Variants in ARID2 observed in about 807,000 individuals in gnomAD.
ARID2 encodes AT-rich interaction domain 2.
In ARID2, 32 loss-of-function variants were observed where a neutral mutation model predicts 184.6. The observed-to-expected ratio is 0.17, with a 90% confidence interval of 0.13 to 0.23. The LOEUF (loss-of-function observed/expected upper bound fraction) is 0.23. Among genes scored for constraint, ARID2 ranks in the 10% least tolerant of loss-of-function variants. The pLI is 1.00. For synonymous variants in ARID2, 836 were observed against 772.6 expected (o/e 1.08, Z -1.36); for missense variants, 1,696 against 2,197.6 (o/e 0.77, Z 4.56).
At position 45,851,376 on chromosome 12, in the gene ARID2, C is replaced by G. The variant is rs1306719789; in HGVS notation, c.3253C>G (p.Pro1085Ala). ...GKLILPAPQI[P>A]PPNNARAPSP... ...GCTTATTCTCCCAGCTCCACAGATT[C>G]CTCCCCCTAATAATGCAAGAGCTCC... The change falls in exon 15 of 21, where the codon CCT becomes GCT. Residue 1085 changes from proline to alanine, a missense_variant. Physicochemically the swap from Pro to Ala is conservative, Grantham distance 27. Transcript: ENST00000334344. 6.2e-7 allele frequency: 1 copy of G among 1,614,126 alleles called. No homozygotes were observed. Among genetic ancestry groups the G allele is most frequent in the South Asian group, 1.1e-5 (1 of 91,078 alleles).
At chr12:45,904,730 A>G (rs1354175315) in intron 20 of ARID2, among the ~76,000 whole-genome samples, 1 of 151,012 alleles carries the variant, frequency 6.6e-6, no homozygotes, top group African/African-American at 2.4e-5. Context: ...TATGCAGAAA[A>G]GGCAAACAGT....
rs779708870 is a variant in ARID2, at chr12:45,849,777, G to A, written c.1912+1G>A. ...GTATCTCCTGCTCCTTCACCTGCAGGTGTTAATTTTTATTGTATTTTTAAA... is the reference window on the plus strand; with the variant it reads ...GTATCTCCTGCTCCTTCACCTGCAGATGTTAATTTTTATTGTATTTTTAAA... On this transcript the variant is annotated splice_donor_variant, in intron 14 of 20. Coordinates refer to ENST00000334344, the MANE Select transcript of ARID2 (RefSeq NM_152641.4). LOFTEE classifies it high-confidence loss of function. 1 of 1,605,896 alleles carries A rather than the reference G, an allele frequency of 6.2e-7. No individual in the cohort carries two copies. Among genetic ancestry groups the A allele is most frequent in the Non-Finnish European group, 8.5e-7 (1 of 1,176,548 alleles).
At chr12:45,880,815 A>G (rs951461597) in intron 16 of ARID2, 2 of 153,724 alleles carry the variant, frequency 1.3e-5, no homozygotes, top group African/African-American at 4.8e-5. Context: ...GTCCAAGCCT[A>G]TCGAGATAGT....
intron 16 of ARID2, among the ~76,000 whole-genome samples, chr12:45,866,739 G>A (rs1943837430): frequency 6.6e-6 from 1 of 152,098 alleles, no homozygotes; most frequent in Non-Finnish European, 1.5e-5. Flanking sequence ...AAATTGAATG[G>A]CAAATACAGA....
intron 4 of ARID2, among the ~76,000 whole-genome samples, chr12:45,813,042 A>G (rs1942739723): frequency 6.6e-6 from 1 of 152,224 alleles, no homozygotes; most frequent in African/African-American, 2.4e-5. Flanking sequence ...AATGAAAGTT[A>G]CTGATAGAGC....
Position 45,892,719 on chromosome 12 carries a change from A to G in ARID2, c.5147+623A>G, listed in dbSNP as rs147527206. 7.1e-3 allele frequency among the ~76,000 whole-genome samples: 1,082 copies of G among 152,256 alleles called. 10 individuals are homozygous for G. Among genetic ancestry groups the G allele is most frequent in the African/African-American group, 0.025 (1,021 of 41,546 alleles). On this transcript the variant is annotated intron_variant, in intron 18 of 20. Coordinates refer to ENST00000334344, the MANE Select transcript of ARID2 (RefSeq NM_152641.4). The stretch of plus-strand genomic sequence containing the variant: ...TATACGAGTCAGCATCTCCATTGCT[A>G]TCTCACCAGAGCACACAGATAATGA...
At chr12:45,801,750 A>C (rs1421479381) in intron 3 of ARID2, among the ~76,000 whole-genome samples, 1 of 152,110 alleles carries the variant, frequency 6.6e-6, no homozygotes, top group Non-Finnish European at 1.5e-5. Context: ...AGGAGAAACC[A>C]CTTGTTTTTA....
chr12:45,751,519 A>G lies in ARID2; in HGVS notation c.284+20205A>G, dbSNP rs560156294. Among the ~76,000 whole-genome samples the G allele has an allele frequency of 3.3e-5, 5 of 152,352 alleles. No homozygotes were observed. In the East Asian group the frequency reaches 9.6e-4, roughly 29 times the overall value. ...ATGCTTTGTTGTGTATAGATGTTGC[A>G]TGCTCAAGGGTAGAACCAAAGAGTC... is the stretch of plus-strand genomic sequence containing the variant. On this transcript the variant is annotated intron_variant, in intron 3 of 20. Coordinates refer to ENST00000334344, the MANE Select transcript of ARID2 (RefSeq NM_152641.4).
chr12:45,852,375 G>A lies in ARID2; in HGVS notation c.4252G>A (p.Gly1418Arg), dbSNP rs2138178282. The stretch of plus-strand genomic sequence containing the variant: ...TGATCAACTAGAAAGAATTTCTAAT[G>A]GACCTGTATTAACTTTGGGTGGTTC... ...KGDQLERISN[G>R]PVLTLGGSSV... The change falls in exon 15 of 21, where the codon GGA becomes AGA. Residue 1418 changes from glycine (G) to arginine (R), a missense_variant. Physicochemically the swap from Gly to Arg is moderately radical, Grantham distance 125. Coordinates refer to ENST00000334344, the MANE Select transcript of ARID2 (RefSeq NM_152641.4). The A allele has an allele frequency of 6.2e-7, 1 of 1,614,144 alleles. No individual in the cohort carries two copies. The highest frequency in any genetic ancestry group is 8.5e-7 in the Non-Finnish European group (1 of 1,180,012).
intron 3 of ARID2, among the ~76,000 whole-genome samples, chr12:45,767,855 C>A (rs777052181): frequency 4.6e-5 from 7 of 152,138 alleles, no homozygotes; most frequent in African/African-American, 9.7e-5. Flanking sequence ...AATAAGAAAT[C>A]ATTAAGAGAC....
At position 45,730,041 on chromosome 12, in the gene ARID2, C is replaced by T. The variant is rs1940947707; in HGVS notation, c.93-3C>T. On this transcript the variant is annotated splice_polypyrimidine_tract_variant and splice_region_variant and intron_variant, in intron 1 of 20. Coordinates refer to ENST00000334344, the MANE Select transcript of ARID2 (RefSeq NM_152641.4). ...CAAGTGCGGGGCTTTTTCTCTCCCG[C>T]AGGTCGCCTTTTAAAAAAATCCCTG... 5.0e-6 allele frequency: 8 copies of T among 1,613,176 alleles called. No individual in the cohort carries two copies. The highest frequency in any genetic ancestry group is 5.9e-6 in the Non-Finnish European group (7 of 1,179,662).
At chr12:45,734,396 A>T (rs557879947) in intron 3 of ARID2, among the ~76,000 whole-genome samples, 26 of 152,046 alleles carry the variant, frequency 1.7e-4, no homozygotes, top group East Asian at 3.9e-4. Flanking sequence ...TAAAATAAAT[A>T]AATTAAAAAT....
At chr12:45,736,920 C>T (rs1265885974) in intron 3 of ARID2, among the ~76,000 whole-genome samples, 2 of 152,194 alleles carry the variant, frequency 1.3e-5, no homozygotes, top group African/African-American at 2.4e-5. Flanking sequence ...CAGTGTTTCA[C>T]CCCACAGTAA....
intron 3 of ARID2, among the ~76,000 whole-genome samples, chr12:45,770,850 A>G (rs12315421): frequency 0.021 from 3,236 of 152,282 alleles, 123 homozygotes; most frequent in African/African-American, 0.074. Context: ...ACCAAATGGG[A>G]AGACAGGTTC....
In ARID2 at chr12:45,906,772, T is replaced by G. The variant is rs1207884070; in HGVS notation, c.*1694T>G. 4.3e-6 allele frequency: 1 copy of G among 231,990 alleles called. No homozygotes were observed. Among genetic ancestry groups the G allele is most frequent in the Admixed American group, 5.6e-5 (1 of 17,748 alleles). The allele number at this position is 231,990 out of a possible 1,614,324, so 14.4% of individuals were successfully genotyped here. A position where few individuals can be genotyped will look rare whatever the true frequency, so the allele number is the denominator to read the frequency against. The stretch of plus-strand genomic sequence containing the variant: ...ATCTTGTTATAATGCAGAGCAAATG[T>G]AGAGAACAGCAAATGATTGATGCAG... On this transcript the variant is annotated 3_prime_UTR_variant, in exon 21 of 21. Transcript: ENST00000334344.
intron 3 of ARID2, among the ~76,000 whole-genome samples, chr12:45,809,207 T>TCA (rs1942658299): frequency 6.6e-6 from 1 of 152,248 alleles, no homozygotes; most frequent in Admixed American, 6.5e-5. Context: ...TGTAGTCTGT[T>TCA]TTAACCATTC....
intron 3 of ARID2, among the ~76,000 whole-genome samples, chr12:45,808,841 T>G (rs1372334231): frequency 6.6e-6 from 1 of 152,184 alleles, no homozygotes. Context: ...CTTGGCTCAC[T>G]GTAACCTCGG....
At chr12:45,896,241 G>A (rs1403897394) in intron 20 of ARID2, among the ~76,000 whole-genome samples, 2 of 152,220 alleles carry the variant, frequency 1.3e-5, no homozygotes, top group African/African-American at 4.8e-5. Flanking sequence ...CCTTACAAAA[G>A]TGACACAGTA....
At chr12:45,840,240 CCTG>C (rs1409440359) in intron 11 of ARID2, 1 of 152,172 alleles carries the variant, frequency 6.6e-6, no homozygotes, top group Non-Finnish European at 1.5e-5. Flanking sequence ...CCTCTCACCT[CCTG>C]CTGTCCCCAA....
Sources: allele counts gnomAD v4.1 joint callset (sites outside exome capture counted in the v4.1 genomes callset), GRCh38; gene constraint gnomAD v4.1.1; transcripts MANE v1.5; gene names NCBI Gene and HGNC (gene_info 2026-07-23, HGNC 2026-07-21).